TRIO: variants seen among roughly 807,000 people sequenced by gnomAD.
TRIO encodes trio Rho guanine nucleotide exchange factor.
Under a neutral mutation model 351.9 loss-of-function variants are expected in TRIO, and 58 were observed. That is an observed-to-expected ratio of 0.16 (90% CI 0.13 to 0.21). The LOEUF is 0.21. TRIO is among the 10% of genes least tolerant of loss of function. The pLI is 1.00. For synonymous variants in TRIO, 1,758 were observed against 1,595.7 expected (o/e 1.10, Z -2.42); for missense variants, 3,201 against 4,027.8 (o/e 0.79, Z 5.56).
Position 14,404,894 on chromosome 5 carries a change from G to T in TRIO, c.4717-954G>T, listed in dbSNP as rs536052818. On this transcript the variant is annotated intron_variant, in intron 31 of 56. Coordinates refer to ENST00000344204, the MANE Select transcript of TRIO (RefSeq NM_007118.4). ...TTTGATTTTCTGTTTTCAAAAACAG[G>T]ATACACAGTGAGAAATGCTGGGCGC... Among the ~76,000 whole-genome samples, 7 of 152,212 alleles carry T rather than the reference G, an allele frequency of 4.6e-5. No homozygotes were observed. The East Asian group carries it at 1.4e-3, about 29-fold the overall frequency.
chr5:14,157,275 G>T (rs1326754356), intron 1 of TRIO, among the ~76,000 whole-genome samples: 1 of 152,174 alleles, frequency 6.6e-6, no homozygotes, highest in African/African-American at 2.4e-5. Context: ...CTCAGTGCGG[G>T]ATTTCTGGGA....
chr5:14,261,124 G>T (rs1338714811), intron 1 of TRIO, among the ~76,000 whole-genome samples: 1 of 152,216 alleles, frequency 6.6e-6, no homozygotes, highest in East Asian at 1.9e-4. Context: ...CTACTCATGT[G>T]GAGATAAGCT....
chr5:14,251,029 C>G (rs553425276), intron 1 of TRIO, among the ~76,000 whole-genome samples: 1 of 152,212 alleles, frequency 6.6e-6, no homozygotes, highest in South Asian at 2.1e-4. Flanking sequence ...ATTTGATCCC[C>G]ATTATTTTTT....
intron 5 of TRIO, among the ~76,000 whole-genome samples, chr5:14,291,858 C>G (rs529520957): frequency 2.3e-4 from 34 of 147,436 alleles, no homozygotes; most frequent in African/African-American, 8.3e-4. Context: ...AAACACCATT[C>G]CAATCTATTG....
rs546457905 is a variant in TRIO, at chr5:14,510,025, A to G, written c.*1603A>G. 3 of 152,388 alleles carry G rather than the reference A, an allele frequency of 2.0e-5. No individual in the cohort carries two copies. The highest frequency in any genetic ancestry group is 6.5e-5 in the Admixed American group (1 of 15,308). The allele number at this position is 152,388 out of a possible 1,614,324, so 9.4% of individuals were successfully genotyped here. A position where few individuals can be genotyped will look rare whatever the true frequency, so the allele number is the denominator to read the frequency against. The stretch of plus-strand genomic sequence containing the variant: ...AAATTGGATTCGAAACTGGATGTGT[A>G]TTCGTAACCTCATAATTTTTATTTG... On this transcript the variant is annotated 3_prime_UTR_variant, in exon 57 of 57. Coordinates refer to ENST00000344204, the MANE Select transcript of TRIO (RefSeq NM_007118.4).
At position 14,478,976 on chromosome 5, in the gene TRIO, C is replaced by A. The variant is rs73749267; in HGVS notation, c.6154-285C>A. ...ACCTTATCTCTTTAAAAAACAACAA[C>A]AAAAAAATGTTCTTTTGCTACCTAT... is the stretch of plus-strand genomic sequence containing the variant. On this transcript the variant is annotated intron_variant, in intron 41 of 56. Coordinates refer to ENST00000344204, the MANE Select transcript of TRIO (RefSeq NM_007118.4). 0.031 allele frequency among the ~76,000 whole-genome samples: 4,704 copies of A among 151,868 alleles called. 246 individuals are homozygous for A. Among genetic ancestry groups the A allele is most frequent in the African/African-American group, 0.11 (4,497 of 41,320 alleles).
Position 14,507,201 on chromosome 5 carries a change from G to A in TRIO, c.8692G>A (p.Glu2898Lys), listed in dbSNP as rs2126719882. 6.2e-7 allele frequency: 1 copy of A among 1,612,184 alleles called. No homozygotes were observed. Among genetic ancestry groups the A allele is most frequent in the Middle Eastern group, 2.1e-4 (1 of 4,804 alleles). ...TEGKIRAHLG[E>K]VLEAVRYLHN... ...AGGGAAGATCAGGGCGCACCTGGGG[G>A]AGGTTCTGGAAGCTGTCCGGTACCT... Residue 2898 changes from glutamate to lysine, a missense_variant, in exon 56 of 57, where the codon GAG becomes AAG. By Grantham distance (56) the Glu-to-Lys change is moderately conservative (BLOSUM62 1). This residue lies in a region of TRIO where 233 missense variants were observed against 292.6 expected (regional missense o/e 0.80). Coordinates refer to ENST00000344204, the MANE Select transcript of TRIO (RefSeq NM_007118.4).
intron 11 of TRIO, among the ~76,000 whole-genome samples, chr5:14,344,481 C>A (rs1742235232): frequency 6.6e-6 from 1 of 152,148 alleles, no homozygotes; most frequent in Non-Finnish European, 1.5e-5. Flanking sequence ...CTGTGTAGTA[C>A]CTCAACTTCC....
At chr5:14,284,906 C>G (rs141309072) in intron 3 of TRIO, among the ~76,000 whole-genome samples, 1 of 152,146 alleles carries the variant, frequency 6.6e-6, no homozygotes, top group Non-Finnish European at 1.5e-5. Context: ...TCTTGGCCTC[C>G]GGGCACCTGC....
intron 1 of TRIO, among the ~76,000 whole-genome samples, chr5:14,222,977 T>C (rs1356634587): frequency 6.6e-6 from 1 of 152,126 alleles, no homozygotes; most frequent in African/African-American, 2.4e-5. Flanking sequence ...ATAAATAGGA[T>C]TGTTGAAAAT....
Position 14,143,746 on chromosome 5 carries a change from AGCC to A in TRIO, c.28_30del (p.Ala10del). On this transcript the variant is annotated inframe_deletion, in exon 1 of 57. Transcript: ENST00000344204. ...CAGCCATGAGCGGCAGCAGCGGCGG[AGCC>A]GCCGCCCCCGCCGCGTCCTCCGGCC... 1 of 982,002 alleles carries A rather than the reference AGCC, an allele frequency of 1.0e-6. No individual in the cohort carries two copies. Among genetic ancestry groups the A allele is most frequent in the Non-Finnish European group, 1.2e-6 (1 of 829,704 alleles). 60.8% of individuals were successfully genotyped at this position (982,002 alleles called of 1,614,324 possible). A position where few individuals can be genotyped will look rare whatever the true frequency, so the allele number is the denominator to read the frequency against.
chr5:14,304,325 T>C (rs1319096679), intron 7 of TRIO, 136 bp from the exon 8 acceptor site: 1 of 869,194 alleles, frequency 1.2e-6, no homozygotes, highest in Non-Finnish European at 1.7e-6. Flanking sequence ...AGGATGCCAT[T>C]TGAGATGGAG....
At chr5:14,209,921 A>G (rs1163844529) in intron 1 of TRIO, among the ~76,000 whole-genome samples, 1 of 152,134 alleles carries the variant, frequency 6.6e-6, no homozygotes, top group Non-Finnish European at 1.5e-5. Context: ...GCCCCCCAGA[A>G]TGGGGTCCCC....
At chr5:14,147,442 C>T (rs1787582167) in intron 1 of TRIO, among the ~76,000 whole-genome samples, 1 of 152,116 alleles carries the variant, frequency 6.6e-6, no homozygotes. Context: ...CCCTATTTAA[C>T]CTTGTGAGAG....
intron 1 of TRIO, among the ~76,000 whole-genome samples, chr5:14,267,866 T>G (rs1185243330): frequency 6.6e-6 from 1 of 152,238 alleles, no homozygotes; most frequent in Non-Finnish European, 1.5e-5. Context: ...GTTTTATATT[T>G]TTGCCCTTTT....
intron 1 of TRIO, among the ~76,000 whole-genome samples, chr5:14,265,878 A>G (rs1795640988): frequency 6.6e-6 from 1 of 152,206 alleles, no homozygotes; most frequent in South Asian, 2.1e-4. Context: ...CATCTTATGA[A>G]TATAAATCAT....
chr5:14,425,618 C>A (rs750960628), intron 34 of TRIO, among the ~76,000 whole-genome samples: 1 of 152,148 alleles, frequency 6.6e-6, no homozygotes, highest in African/African-American at 2.4e-5. Context: ...TGAATGTTTG[C>A]GTCCTTCCAA....
intron 1 of TRIO, among the ~76,000 whole-genome samples, chr5:14,197,193 C>T (rs541430214): frequency 6.3e-4 from 96 of 152,288 alleles, no homozygotes; most frequent in African/African-American, 2.0e-3. Flanking sequence ...AAGCTTTCCC[C>T]GCCCCTGTGA....
intron 1 of TRIO, among the ~76,000 whole-genome samples, chr5:14,210,745 A>G (rs972798975): frequency 1.3e-5 from 2 of 152,228 alleles, no homozygotes; most frequent in African/African-American, 2.4e-5. Flanking sequence ...ATGTTTTTAA[A>G]GTGCAGCTTA....
Sources: allele counts gnomAD v4.1 joint callset (sites outside exome capture counted in the v4.1 genomes callset), GRCh38; gene constraint gnomAD v4.1.1; regional missense constraint gnomAD v4.1.1; transcripts MANE v1.5; gene names NCBI Gene and HGNC (gene_info 2026-07-23, HGNC 2026-07-21).